The following IGSF21 variants were observed in gnomAD, a reference collection of about 807,000 sequenced individuals.
IGSF21 encodes the protein immunoglobin superfamily member 21.
In IGSF21, 28 loss-of-function variants were observed where a neutral mutation model predicts 46.8. The observed-to-expected ratio is 0.60, with a 90% CI of 0.44 to 0.82. The LOEUF (loss-of-function observed/expected upper bound fraction) is 0.82, where lower values mean the gene tolerates loss of function less well. Ranked by LOEUF, IGSF21 falls within the 40% of genes least tolerant of loss-of-function variation. The probability of loss-of-function intolerance (pLI) is 0.00; values close to 1 mark genes in which losing one functional copy is unlikely to be tolerated. For synonymous variants in IGSF21, 284 were observed against 273.6 expected (o/e 1.04, Z -0.38); for missense variants, 624 against 665.5 (o/e 0.94, Z 0.69).
At chr1:18,263,607 A>G (rs2084966017) in intron 2 of IGSF21, among the ~76,000 whole-genome samples, 1 of 152,006 alleles carries the variant, frequency 6.6e-6, no homozygotes, top group Admixed American at 6.6e-5. Flanking sequence ...TCAGAACCAA[A>G]CACTTCTCCA....
intron 2 of IGSF21, among the ~76,000 whole-genome samples, chr1:18,270,057 C>T (rs2085028039): frequency 1.3e-5 from 2 of 152,150 alleles, no homozygotes; most frequent in South Asian, 2.1e-4. Context: ...TCAAGGACCC[C>T]GGGCCCCAAG....
At position 18,334,353 on chromosome 1, in the gene IGSF21, G is replaced by A. The variant is rs1225916406; in HGVS notation, c.306-539G>A. Reference sequence around the variant, plus strand: ...CCATGATCTCAGGACTGGGCATGAAGTGGCAGCATGGCGGCATGGAGAGAG... The same window carrying A: ...CCATGATCTCAGGACTGGGCATGAAATGGCAGCATGGCGGCATGGAGAGAG... On this transcript the variant is annotated intron_variant, in intron 3 of 9. Transcript: ENST00000251296. This position sits in a 1 kb window ranked among gnomAD's most constrained non-coding sequence, Gnocchi z 4.3. 6.6e-6 allele frequency among the ~76,000 whole-genome samples: 1 copy of A among 152,202 alleles called. No individual in the cohort carries two copies. The highest frequency in any genetic ancestry group is 2.4e-5 in the African/African-American group (1 of 41,450).
In IGSF21 at chr1:18,179,734, C is replaced by G. The variant is rs190748400; in HGVS notation, c.71-48164C>G. On this transcript the variant is annotated intron_variant, in intron 1 of 9. Transcript: ENST00000251296. ...TGAGGGTCTCCAGGGGATGGCAGAGCCACCCAAGGGATGTGAGGATCTGGA... is the reference window on the plus strand; with the variant it reads ...TGAGGGTCTCCAGGGGATGGCAGAGGCACCCAAGGGATGTGAGGATCTGGA... 2.2e-3 allele frequency among the ~76,000 whole-genome samples: 333 copies of G among 152,092 alleles called. 2 individuals are homozygous for G. The highest frequency in any genetic ancestry group is 7.5e-3 in the African/African-American group (312 of 41,482).
intron 4 of IGSF21, among the ~76,000 whole-genome samples, chr1:18,350,495 A>G (rs2085941154): frequency 6.6e-6 from 1 of 152,208 alleles, no homozygotes; most frequent in African/African-American, 2.4e-5. Flanking sequence ...CAAAGATGCA[A>G]TCCAAGAGAT....
intron 4 of IGSF21, among the ~76,000 whole-genome samples, chr1:18,345,425 C>A (rs1259765035): frequency 6.6e-6 from 1 of 152,142 alleles, no homozygotes; most frequent in Non-Finnish European, 1.5e-5. Context: ...CACTCTGTCG[C>A]CTAGGCTGGG....
At chr1:18,296,410 T>A (rs1158753991) in intron 3 of IGSF21, among the ~76,000 whole-genome samples, 2 of 152,066 alleles carry the variant, frequency 1.3e-5, no homozygotes, top group Non-Finnish European at 2.9e-5. Context: ...AGCTGAGTGT[T>A]TTTTGCTGGG....
chr1:18,112,405 A>C (rs1478589248), intron 1 of IGSF21: 2 of 151,982 alleles, frequency 1.3e-5, no homozygotes, highest in Non-Finnish European at 2.9e-5. Flanking sequence ...AGGGGCTATT[A>C]TCTCTCTCTG....
intron 2 of IGSF21, among the ~76,000 whole-genome samples, chr1:18,267,785 A>G (rs2085004087): frequency 6.6e-6 from 1 of 152,182 alleles, no homozygotes; most frequent in Non-Finnish European, 1.5e-5. Context: ...GGCCTCTAGG[A>G]GAGAAGGAAC....
intron 4 of IGSF21, among the ~76,000 whole-genome samples, chr1:18,338,114 C>T (rs150098947): frequency 2.0e-3 from 298 of 152,170 alleles, no homozygotes; most frequent in Middle Eastern, 0.014. Context: ...GGGACTTGGC[C>T]GAGGTTGGAG....
intron 1 of IGSF21, among the ~76,000 whole-genome samples, chr1:18,226,638 C>T (rs1009477586): frequency 2.0e-5 from 3 of 152,224 alleles, no homozygotes; most frequent in African/African-American, 4.8e-5. Context: ...CCAAATTGAT[C>T]CTCTCCAGGT....
At position 18,337,553 on chromosome 1, in the gene IGSF21, G is replaced by T. The variant is rs2085782310; in HGVS notation, c.424+2543G>T. ...AGAGCCCTGCACTAGTCTGAGGAAT[G>T]ACTGCTCTGGGAACACAGCTTCACG... On this transcript the variant is annotated intron_variant, in intron 4 of 9. Coordinates refer to ENST00000251296, the MANE Select transcript of IGSF21 (RefSeq NM_032880.5). The surrounding 1 kb of genome is among the most constrained non-coding windows in gnomAD (Gnocchi z 5.7). Among the ~76,000 whole-genome samples, 1 of 152,142 alleles carries T rather than the reference G, an allele frequency of 6.6e-6. No individual in the cohort carries two copies. The highest frequency in any genetic ancestry group is 2.1e-4 in the South Asian group (1 of 4,820).
intron 6 of IGSF21, among the ~76,000 whole-genome samples, chr1:18,373,893 G>A (rs937097816): frequency 6.6e-6 from 1 of 152,202 alleles, no homozygotes. Context: ...GGAGTCTAGC[G>A]CATGTTTGAC....
chr1:18,376,134 G>T, intron 6 of IGSF21, 176 bp from the exon 7 acceptor site: 2 of 648,102 alleles, frequency 3.1e-6, no homozygotes, highest in Non-Finnish European at 2.9e-6. Context: ...ATGGGCTTAG[G>T]GAATATGTCT....
At chr1:18,149,931 T>G (rs1175335332) in intron 1 of IGSF21, among the ~76,000 whole-genome samples, 1 of 152,138 alleles carries the variant, frequency 6.6e-6, no homozygotes, top group Non-Finnish European at 1.5e-5. Flanking sequence ...TTATAATAAT[T>G]ACATTTTCAT....
chr1:18,111,764 C>T (rs566407053), intron 1 of IGSF21: 54 of 152,360 alleles, frequency 3.5e-4, no homozygotes, highest in African/African-American at 1.3e-3. Flanking sequence ...AACTGAGGTT[C>T]TGAGGTTTAA....
At chr1:18,341,913 T>C (rs952581167) in intron 4 of IGSF21, among the ~76,000 whole-genome samples, 1 of 152,162 alleles carries the variant, frequency 6.6e-6, no homozygotes, top group Non-Finnish European at 1.5e-5. Flanking sequence ...CACCATATGC[T>C]TTGCAAGTCT....
Position 18,334,981 on chromosome 1 carries a change from C to A in IGSF21, c.395C>A (p.Ala132Glu). ...DRATREKVVL[A>E]SGNIFLNVMA... is the part of the protein sequence containing the mutation. ...GCCACCAGGGAGAAGGTGGTCCTGG[C>A]ATCAGGCAACATCTTCCTCAACGTC... Residue 132 changes from alanine (A) to glutamate (E), a missense_variant, in exon 4 of 10, where the codon GCA (alanine) becomes GAA (glutamate). Physicochemically the swap from Ala to Glu is moderately radical, Grantham distance 107. Transcript: ENST00000251296. This position sits in a 1 kb window ranked among gnomAD's most constrained non-coding sequence, Gnocchi z 4.3. The A allele has an allele frequency of 1.2e-6, 2 of 1,614,050 alleles. No individual in the cohort carries two copies. The highest frequency in any genetic ancestry group is 8.5e-7 in the Non-Finnish European group (1 of 1,179,870).
chr1:18,372,959 C>A lies in IGSF21; in HGVS notation c.1016-3351C>A, dbSNP rs572196625. 1.3e-3 allele frequency among the ~76,000 whole-genome samples: 203 copies of A among 152,206 alleles called. 1 individual carries two copies. Among genetic ancestry groups the A allele is most frequent in the African/African-American group, 4.6e-3 (193 of 41,538 alleles). On this transcript the variant is annotated intron_variant, in intron 6 of 9. Coordinates refer to ENST00000251296, the MANE Select transcript of IGSF21 (RefSeq NM_032880.5). ...AATTCCTAGGGGAAACTTAGAGGAG[C>A]TTTTCCTTGAGATTCCACAGTACTA...
chr1:18,320,096 C>T (rs1021134983), intron 3 of IGSF21, among the ~76,000 whole-genome samples: 11 of 152,166 alleles, frequency 7.2e-5, no homozygotes, highest in African/African-American at 1.9e-4. Context: ...GAGACAGAAC[C>T]GGAAGCAAGA....
Sources: gnomAD v4.1 joint callset for allele counts (sites outside exome capture counted in the v4.1 genomes callset) on GRCh38, gnomAD v4.1.1 for gene constraint, Gnocchi (gnomAD v3.1) non-coding constraint, MANE v1.5 for transcripts, NCBI Gene and HGNC (gene_info 2026-07-23, HGNC 2026-07-21) for gene names.